The following PARD3B variants were observed in gnomAD, a reference collection of about 807,000 sequenced individuals.
The protein encoded by PARD3B is par-3 family cell polarity regulator beta.
Under a neutral mutation model 130.2 loss-of-function variants are expected in PARD3B, and 103 were observed. The ratio of observed to expected loss-of-function variants is 0.79; its 90% confidence interval spans 0.67 to 0.93. PARD3B has a LOEUF of 0.93. PARD3B is among the 40% of genes least tolerant of loss of function. PARD3B has a pLI of 0.00. For synonymous variants in PARD3B, 583 were observed against 553.2 expected (o/e 1.05, Z -0.76); for missense variants, 1,609 against 1,499.2 (o/e 1.07, Z -1.21).
rs936824688 is a variant in PARD3B, at chr2:205,363,178, C to G, written c.2631-37835C>G. Among the ~76,000 whole-genome samples the G allele has an allele frequency of 6.6e-5, 10 of 152,316 alleles. 1 individual carries two copies. The South Asian group carries it at 2.1e-3, about 32-fold the overall frequency. On this transcript the variant is annotated intron_variant, in intron 18 of 22. Transcript: ENST00000406610. ...CAGCTAAAACATAACTCTCATTATG[C>G]TGTAGCCCTGATGGGGCCCCAGAGA... is the stretch of plus-strand genomic sequence containing the variant.
intron 22 of PARD3B, among the ~76,000 whole-genome samples, chr2:205,599,379 A>T (rs2054694827): frequency 6.6e-6 from 1 of 152,142 alleles, no homozygotes; most frequent in Non-Finnish European, 1.5e-5. Flanking sequence ...TTCCCAAAAG[A>T]CTGAATTCAC....
At chr2:204,645,722 T>G (rs980783856) in intron 1 of PARD3B, among the ~76,000 whole-genome samples, 1 of 152,128 alleles carries the variant, frequency 6.6e-6, no homozygotes, top group Non-Finnish European at 1.5e-5. Flanking sequence ...AAATATGAAG[T>G]GACCATATAA....
At position 205,176,323 on chromosome 2, in the gene PARD3B, G is replaced by T. The variant is rs568207436; in HGVS notation, c.1792-122G>T. 2 of 952,088 alleles carry T rather than the reference G, an allele frequency of 2.1e-6. No homozygotes were observed. The highest frequency in any genetic ancestry group is 3.0e-5 in the East Asian group (1 of 33,330). 59.0% of individuals were successfully genotyped at this position (952,088 alleles called of 1,614,324 possible). On this transcript the variant is annotated intron_variant, in intron 12 of 22. Coordinates refer to ENST00000406610, the MANE Select transcript of PARD3B (RefSeq NM_001302769.2). This position sits in a 1 kb window ranked among gnomAD's most constrained non-coding sequence, Gnocchi z 5.3. ...GCCATTTTGAGTTTCCACAGTTGAGGACTTAAGTGTAATAGACTCTTGAAA... is the reference window on the plus strand; with the variant it reads ...GCCATTTTGAGTTTCCACAGTTGAGTACTTAAGTGTAATAGACTCTTGAAA...
intron 21 of PARD3B, among the ~76,000 whole-genome samples, chr2:205,515,537 C>T (rs1359469178): frequency 1.5e-5 from 2 of 136,788 alleles, no homozygotes; most frequent in Non-Finnish European, 3.1e-5. Flanking sequence ...AATAGCCATT[C>T]TGATGGGTGT....
chr2:204,985,596 G>C (rs529148110), intron 3 of PARD3B, among the ~76,000 whole-genome samples: 1 of 152,130 alleles, frequency 6.6e-6, no homozygotes, highest in Non-Finnish European at 1.5e-5. Context: ...TACTGAAACC[G>C]AACTGAGCAT....
intron 2 of PARD3B, among the ~76,000 whole-genome samples, chr2:204,791,264 A>G (rs891614282): frequency 2.0e-5 from 3 of 152,174 alleles, no homozygotes; most frequent in African/African-American, 7.2e-5. Context: ...AGTGAAAATC[A>G]TAGCAATTAC....
At chr2:205,615,350 C>T (rs2055387665) in intron 22 of PARD3B, 106 bp from the exon 23 acceptor site, 2 of 874,040 alleles carry the variant, frequency 2.3e-6, no homozygotes, top group East Asian at 4.9e-5. Flanking sequence ...ATTGGCCAGA[C>T]CTATGCGGTG....
chr2:205,447,331 G>T (rs2047940088), intron 20 of PARD3B, among the ~76,000 whole-genome samples: 1 of 152,154 alleles, frequency 6.6e-6, no homozygotes, highest in African/African-American at 2.4e-5. Flanking sequence ...GGGGCAGTCT[G>T]TCCTCAATAA....
chr2:204,941,093 T>C (rs1259562018), intron 2 of PARD3B, among the ~76,000 whole-genome samples: 1 of 152,210 alleles, frequency 6.6e-6, no homozygotes, highest in Non-Finnish European at 1.5e-5. Flanking sequence ...TTGTTATATA[T>C]ATAAATTTCA....
intron 4 of PARD3B, among the ~76,000 whole-genome samples, chr2:205,057,491 A>G (rs141452921): frequency 1.4e-4 from 20 of 145,036 alleles, no homozygotes; most frequent in Middle Eastern, 3.9e-3. Context: ...GTATGTGTAT[A>G]TGTATATATA....
intron 1 of PARD3B, among the ~76,000 whole-genome samples, chr2:204,651,052 T>G (rs1410931453): frequency 6.6e-6 from 1 of 152,184 alleles, no homozygotes; most frequent in African/African-American, 2.4e-5. Flanking sequence ...CAATTTGAGA[T>G]GAGATTTGGG....
rs934253972 is a variant in PARD3B, at chr2:205,176,006, C to T, written c.1792-439C>T. Among the ~76,000 whole-genome samples the T allele has an allele frequency of 3.3e-5, 5 of 152,120 alleles. No homozygotes were observed. The highest frequency in any genetic ancestry group is 6.6e-5 in the Admixed American group (1 of 15,250). On this transcript the variant is annotated intron_variant, in intron 12 of 22. Transcript: ENST00000406610. The surrounding 1 kb of genome is among the most constrained non-coding windows in gnomAD (Gnocchi z 5.3). ...AGACACACTGGTGGTATTTCAGAGG[C>T]GAACCTGCTTGAATTCTGACTTGTC...
chr2:205,029,043 G>T (rs1697236031), intron 3 of PARD3B, among the ~76,000 whole-genome samples: 1 of 152,094 alleles, frequency 6.6e-6, no homozygotes, highest in African/African-American at 2.4e-5. Flanking sequence ...AAGCAGGAAA[G>T]TGCTAAAATC....
At chr2:205,126,538 G>A (rs1217918260) in intron 10 of PARD3B, among the ~76,000 whole-genome samples, 2 of 151,294 alleles carry the variant, frequency 1.3e-5, no homozygotes, top group Non-Finnish European at 2.9e-5. Context: ...TCAGGAGATC[G>A]AGACCATCCT....
intron 2 of PARD3B, among the ~76,000 whole-genome samples, chr2:204,756,433 T>C (rs1389149182): frequency 6.6e-6 from 1 of 152,140 alleles, no homozygotes; most frequent in Admixed American, 6.6e-5. Context: ...ATATTTTTTC[T>C]CCATTATTTG....
rs1454575727 is a variant in PARD3B at position 204,546,035 on chromosome 2, C to T, written c.36C>T (p.Ile12=). The part of the protein sequence containing the change: ...KVTVCFGRTG[I]VVPCKEGQLR... ...CCGTGTGCTTCGGCAGGACGGGCAT[C>T]GTGGTGCCCTGCAAGGAGGGCCAGC... is the stretch of plus-strand genomic sequence containing the variant. The change falls in exon 1 of 23, where the codon ATC becomes ATT. Residue 12 remains isoleucine (I), a synonymous_variant. Transcript: ENST00000406610. 5 of 1,567,812 alleles carry T rather than the reference C, an allele frequency of 3.2e-6. No homozygotes were observed. Among genetic ancestry groups the T allele is most frequent in the Middle Eastern group, 3.3e-4 (2 of 5,986 alleles).
chr2:205,010,383 GC>G (rs1695619870), intron 3 of PARD3B, among the ~76,000 whole-genome samples: 1 of 152,110 alleles, frequency 6.6e-6, no homozygotes, highest in South Asian at 2.1e-4. Context: ...CAAGATCTAT[GC>G]ACAGCTGCAA....
At chr2:205,583,030 T>G (rs1422525183) in intron 22 of PARD3B, among the ~76,000 whole-genome samples, 1 of 152,196 alleles carries the variant, frequency 6.6e-6, no homozygotes, top group Non-Finnish European at 1.5e-5. Flanking sequence ...AAATATAAGT[T>G]AATTGTTACA....
At chr2:205,608,889 C>T (rs146352108) in intron 22 of PARD3B, among the ~76,000 whole-genome samples, 9 of 152,310 alleles carry the variant, frequency 5.9e-5, no homozygotes, top group African/African-American at 2.2e-4. Flanking sequence ...TATCCTTTCT[C>T]CTTCATTTTC....
Sources: allele counts gnomAD v4.1 joint callset (sites outside exome capture counted in the v4.1 genomes callset), GRCh38; gene constraint gnomAD v4.1.1; non-coding constraint Gnocchi (gnomAD v3.1); transcripts MANE v1.5; gene names NCBI Gene and HGNC (gene_info 2026-07-23, HGNC 2026-07-21).